The following TMEM165 variants were observed in gnomAD, a reference collection of about 807,000 sequenced individuals.
TMEM165 encodes putative divalent cation/proton antiporter TMEM165.
TMEM165 carries 19 observed loss-of-function variants against 30.0 expected under a neutral mutation model. The observed-to-expected ratio is 0.63, with a 90% CI of 0.44 to 0.93. The LOEUF (loss-of-function observed/expected upper bound fraction) is 0.93, where lower values mean the gene tolerates loss of function less well. Ranked by LOEUF, TMEM165 falls within the 40% of genes least tolerant of loss-of-function variation. TMEM165 has a pLI of 0.00. For missense variants in TMEM165, 340 were observed against 417.0 expected, an observed-to-expected ratio of 0.82 and a Z score of 1.61; for synonymous variants, 168 against 162.9, an observed-to-expected ratio of 1.03 and a Z score of -0.24.
chr4:55,436,892 C>CT (rs35888413), intron 3 of TMEM165, among the ~76,000 whole-genome samples: 3,809 of 98,324 alleles, frequency 0.039, 117 homozygotes, highest in South Asian at 0.07. Context: ...TTTGGGATGC[C>CT]TTTTTTTTTT....
At chr4:55,435,641 C>T (rs748612208) in intron 3 of TMEM165, 51 of 1,584,940 alleles carry the variant, frequency 3.2e-5, no homozygotes, top group Non-Finnish European at 4.4e-5. Context: ...CCCTTTATGG[C>T]ACCCACATAA....
intron 1 of TMEM165, among the ~76,000 whole-genome samples, chr4:55,410,959 A>G (rs1721469763): frequency 6.6e-6 from 1 of 151,872 alleles, no homozygotes; most frequent in East Asian, 1.9e-4. Flanking sequence ...ATGATGAGAA[A>G]CCCTGTCTTG....
rs1040135931 is a variant in TMEM165 at position 55,404,783 on chromosome 4, A to G, written c.208-6831A>G. On this transcript the variant is annotated intron_variant, in intron 1 of 5. Transcript: ENST00000381334. ...AGTTAGCAAATTGCTAAATCCAGGGATCTTTTTCAGTTCTCATTTGACACT... is the reference window on the plus strand; with the variant it reads ...AGTTAGCAAATTGCTAAATCCAGGGGTCTTTTTCAGTTCTCATTTGACACT... Among the ~76,000 whole-genome samples, 3 of 152,214 alleles carry G rather than the reference A, an allele frequency of 2.0e-5. No individual in the cohort carries two copies. The East Asian group carries it at 5.8e-4, about 29-fold the overall frequency.
At chr4:55,451,975 G>T (rs1418965969) in intron 3 of TMEM165, among the ~76,000 whole-genome samples, 1 of 152,134 alleles carries the variant, frequency 6.6e-6, no homozygotes, top group Non-Finnish European at 1.5e-5. Context: ...CCCCTGGAAT[G>T]CTGCCTATTT....
chr4:55,442,510 A>C, intron 3 of TMEM165: 4 of 1,608,944 alleles, frequency 2.5e-6, no homozygotes, highest in Non-Finnish European at 3.4e-6. Flanking sequence ...TGGAATCTGG[A>C]CCATGCTTCC....
At chr4:55,418,796 C>T (rs1319217868) in intron 4 of TMEM165, among the ~76,000 whole-genome samples, 1 of 152,058 alleles carries the variant, frequency 6.6e-6, no homozygotes, top group Non-Finnish European at 1.5e-5. Context: ...CCTGTAATCC[C>T]AGCACTTTAG....
intron 1 of TMEM165, among the ~76,000 whole-genome samples, chr4:55,409,091 A>T (rs559601451): frequency 6.6e-6 from 1 of 152,264 alleles, no homozygotes; most frequent in South Asian, 2.1e-4. Flanking sequence ...AACCAAAATA[A>T]TGGAGAGAAA....
chr4:55,412,393 C>CAAAAAAAAAAAAAAA (rs371124857), intron 2 of TMEM165, among the ~76,000 whole-genome samples: 12 of 54,376 alleles, frequency 2.2e-4, no homozygotes, highest in African/African-American at 9.1e-4. Context: ...GACTCCATCT[C>CAAAAAAAAAAAAAAA]AAAAAAAAAA....
At chr4:55,406,231 A>G (rs892012759) in intron 1 of TMEM165, among the ~76,000 whole-genome samples, 2 of 152,204 alleles carry the variant, frequency 1.3e-5, no homozygotes, top group African/African-American at 4.8e-5. Context: ...CAAGAAATTG[A>G]TCCTCCATAG....
intron 1 of TMEM165, 79 bp downstream of exon 1, chr4:55,396,475 C>T (rs1720732751): frequency 1.1e-5 from 14 of 1,218,170 alleles, no homozygotes; most frequent in South Asian, 2.0e-5. Context: ...TTGAAAGCGC[C>T]GCACTCCGCC....
chr4:55,453,372 A>G (rs907735826), exon 4 of TMEM165: 9 of 495,240 alleles, frequency 1.8e-5, no homozygotes, highest in South Asian at 1.8e-4. Context: ...TAAGAAAAAT[A>G]AATAAAGGAA....
At chr4:55,436,892 C>CTTTA (rs1722917862) in intron 3 of TMEM165, among the ~76,000 whole-genome samples, 1 of 98,366 alleles carries the variant, frequency 1.0e-5, no homozygotes, top group Non-Finnish European at 2.0e-5. Flanking sequence ...TTTGGGATGC[C>CTTTA]TTTTTTTTTT....
rs954164596 is a variant in TMEM165, at chr4:55,435,612, T to G, written c.408+10969T>G. ...CTAGAAGTCTAAAAAACAAATGGAT[T>G]ATGCAGCATTGCTTTACTCCCTTTA... is the stretch of plus-strand genomic sequence containing the variant. On this transcript the variant is annotated intron_variant, in intron 3 of 3. Transcript: ENST00000608091. 4 of 1,613,218 alleles carry G rather than the reference T, an allele frequency of 2.5e-6. No individual in the cohort carries two copies. In the African/African-American group the frequency reaches 5.3e-5, roughly 22 times the overall value.
intron 3 of TMEM165, among the ~76,000 whole-genome samples, chr4:55,439,436 C>T (rs1283659893): frequency 6.6e-6 from 1 of 152,098 alleles, no homozygotes; most frequent in African/African-American, 2.4e-5. Flanking sequence ...ATGGTGCAGC[C>T]ACTATGGAAA....
chr4:55,403,202 C>T (rs1721106436), intron 1 of TMEM165: 3 of 1,208,848 alleles, frequency 2.5e-6, no homozygotes, highest in Non-Finnish European at 3.3e-6. Context: ...TGTTTGATAA[C>T]TTATTGAGCA....
At chr4:55,425,120 A>ACTGT (rs1722140365) in intron 5 of TMEM165, among the ~76,000 whole-genome samples, 1 of 152,244 alleles carries the variant, frequency 6.6e-6, no homozygotes, top group East Asian at 1.9e-4. Flanking sequence ...GCTTGCCAGC[A>ACTGT]CTGTCTGGAT....
chr4:55,419,119 G>A (rs1329861756), intron 4 of TMEM165, among the ~76,000 whole-genome samples: 4 of 152,190 alleles, frequency 2.6e-5, no homozygotes, highest in African/African-American at 4.8e-5. Context: ...TTATTTCAGT[G>A]CTTATCTATC....
At chr4:55,403,380 T>G in intron 1 of TMEM165, 1 of 1,057,782 alleles carries the variant, frequency 9.5e-7, no homozygotes, top group Non-Finnish European at 1.2e-6. Context: ...TGTGTTTATT[T>G]GAACTCTAGA....
rs35089311 is a variant in TMEM165, at chr4:55,408,922, C to CTT, written c.208-2679_208-2678dup. 4.6e-3 allele frequency among the ~76,000 whole-genome samples: 658 copies of CTT among 142,776 alleles called. 3 individuals carry two copies. The highest frequency in any genetic ancestry group is 0.011 in the East Asian group (54 of 4,926). The allele number at this position is 142,776 out of a possible 152,430, so 93.7% of individuals were successfully genotyped here. Reference sequence around the variant, plus strand: ...GAGCCAAGTTGAAATTTGAAATGCCCTTTTTTTTTTTTTTAATATAAGGAT... The same window carrying CTT: ...GAGCCAAGTTGAAATTTGAAATGCCCTTTTTTTTTTTTTTTTAATATAAGGAT... On this transcript the variant is annotated intron_variant, in intron 1 of 5. Coordinates refer to ENST00000381334, the MANE Select transcript of TMEM165 (RefSeq NM_018475.5).
Sources: allele counts gnomAD v4.1 joint callset (sites outside exome capture counted in the v4.1 genomes callset), GRCh38; gene constraint gnomAD v4.1.1; transcripts MANE v1.5; gene names NCBI Gene and HGNC (gene_info 2026-07-23, HGNC 2026-07-21).